SPAG5: variants seen among roughly 807,000 people sequenced by gnomAD.
SPAG5 encodes the protein sperm-associated antigen 5.
In SPAG5, 99 loss-of-function variants were observed where a neutral mutation model predicts 145.4. The observed-to-expected ratio is 0.68, with a 90% CI of 0.58 to 0.80. The LOEUF (loss-of-function observed/expected upper bound fraction) is 0.80. Ranked by LOEUF, SPAG5 falls within the 30% of genes least tolerant of loss-of-function variation. The probability of loss-of-function intolerance (pLI) is 0.00; values close to 1 mark genes in which losing one functional copy is unlikely to be tolerated. For synonymous variants in SPAG5, 477 were observed against 525.4 expected, an observed-to-expected ratio of 0.91 and a Z score of 1.26; for missense variants, 1,192 against 1,416.0, an observed-to-expected ratio of 0.84 and a Z score of 2.54.
rs2070632294 is a variant in SPAG5, at chr17:28,592,838, G to A, written c.406C>T (p.Pro136Ser). 6.2e-7 allele frequency: 1 copy of A among 1,614,204 alleles called. No homozygotes were observed. Among genetic ancestry groups the A allele is most frequent in the Non-Finnish European group, 8.5e-7 (1 of 1,180,038 alleles). ...MVKTIVLVPS[P>S]LGQQQDMIFE... ...ATCATGTCTTGTTGCTGCCCCAGTG[G>A]AGATGGTACAAGGACGATGGTTTTA... The change falls in exon 3 of 24, where the codon CCA (proline) becomes TCA (serine). Residue 136 changes from proline (P) to serine (S), a missense_variant. Physicochemically the swap from Pro to Ser is moderately conservative, Grantham distance 74. Transcript: ENST00000321765.
At position 28,584,005 on chromosome 17, in the gene SPAG5, G is replaced by A. The variant is rs763472401; in HGVS notation, c.2413-19C>T. The A allele has an allele frequency of 6.2e-7, 1 of 1,613,958 alleles. No individual in the cohort carries two copies. The highest frequency in any genetic ancestry group is 1.1e-5 in the South Asian group (1 of 91,078). ...CTGCAAACTGGGAAGACAAGAGAAG[G>A]AGCAAGACAGGGAGGGAGAATTTTA... is the stretch of plus-strand genomic sequence containing the variant. On this transcript the variant is annotated intron_variant, in intron 13 of 23. Coordinates refer to ENST00000321765, the MANE Select transcript of SPAG5 (RefSeq NM_006461.4).
chr17:28,580,136 A>G lies in SPAG5; in HGVS notation c.2686-16T>C, dbSNP rs1458705913. ...CTTGTTCAGTCTAAGGGCAAAGAAG[A>G]AAAAATAGCTGCTGTTCAGGTCTAG... is the stretch of plus-strand genomic sequence containing the variant. On this transcript the variant is annotated splice_polypyrimidine_tract_variant and intron_variant, in intron 15 of 23. Transcript: ENST00000321765. 6.3e-7 allele frequency: 1 copy of G among 1,580,610 alleles called. No individual in the cohort carries two copies. The highest frequency in any genetic ancestry group is 8.7e-7 in the Non-Finnish European group (1 of 1,154,610).
At position 28,584,235 on chromosome 17, in the gene SPAG5, A is replaced by G. The variant is rs758412682; in HGVS notation, c.2327T>C (p.Met776Thr). 2.5e-6 allele frequency: 4 copies of G among 1,613,790 alleles called. No individual in the cohort carries two copies. The highest frequency in any genetic ancestry group is 3.4e-6 in the Non-Finnish European group (4 of 1,180,042). Residue 776 changes from methionine (M) to threonine (T), a missense_variant, in exon 13 of 24, where the codon ATG becomes ACG. By Grantham distance (81) the Met-to-Thr change is moderately conservative (BLOSUM62 -1). Transcript: ENST00000321765. ...EQAAQWQKEE[M>T]ALKHMQAELQ... ...TTCTGCCTGCATGTGTTTTAGTGCC[A>G]TCTCTTCCTTTTGCCATCTGCCAGA... is the stretch of plus-strand genomic sequence containing the variant.
intron 1 of SPAG5, 39 bp downstream of exon 1, chr17:28,598,857 G>T: frequency 6.2e-7 from 1 of 1,608,864 alleles, no homozygotes; most frequent in African/African-American, 1.3e-5. Context: ...CGCGACAGCA[G>T]CCCGGCCCAG....
intron 5 of SPAG5, 54 bp from the exon 6 acceptor site, chr17:28,586,236 C>T: frequency 6.8e-7 from 1 of 1,474,108 alleles, no homozygotes; most frequent in Non-Finnish European, 9.5e-7. Flanking sequence ...AAGCAGGAAA[C>T]AGGGGCACTG....
At chr17:28,583,129 C>T (rs2070559234) in intron 15 of SPAG5, among the ~76,000 whole-genome samples, 1 of 152,198 alleles carries the variant, frequency 6.6e-6, no homozygotes, top group South Asian at 2.1e-4. Flanking sequence ...AGGTTCACAA[C>T]ACTACACCTG....
chr17:28,581,741 G>C (rs576849285), intron 15 of SPAG5, among the ~76,000 whole-genome samples: 1 of 152,110 alleles, frequency 6.6e-6, no homozygotes, highest in African/African-American at 2.4e-5. Flanking sequence ...GCTCCCCTCA[G>C]TCTCATCTCT....
At chr17:28,587,717 C>CAAAA (rs765826333) in intron 4 of SPAG5, among the ~76,000 whole-genome samples, 5 of 48,844 alleles carry the variant, frequency 1.0e-4, no homozygotes, top group South Asian at 7.0e-4. Context: ...GACCTCGTCT[C>CAAAA]AAAAAAAAAA....
chr17:28,585,589 T>A lies in SPAG5; in HGVS notation c.1805A>T (p.Asp602Val). ...ASQRISQLEQDLASMREFRGL... is the reference protein window; with the variant it reads ...ASQRISQLEQVLASMREFRGL... Reference sequence around the variant, plus strand: ...TCTGAATTCCCGCATGGATGCTAGGTCCTGTTCCAGCTGGCTGATGCGCTG... The same window carrying A: ...TCTGAATTCCCGCATGGATGCTAGGACCTGTTCCAGCTGGCTGATGCGCTG... Residue 602 changes from aspartate to valine, a missense_variant, in exon 8 of 24, where the codon GAC becomes GTC. By Grantham distance (152) the Asp-to-Val change is radical (BLOSUM62 -3). Around this residue, in one of 5 missense-constraint regions of SPAG5, gnomAD observed 709 missense variants for 840.7 expected, o/e 0.84. Coordinates refer to ENST00000321765, the MANE Select transcript of SPAG5 (RefSeq NM_006461.4). 1 of 1,614,140 alleles carries A rather than the reference T, an allele frequency of 6.2e-7. No homozygotes were observed. The highest frequency in any genetic ancestry group is 2.2e-5 in the East Asian group (1 of 44,874).
intron 10 of SPAG5, 35 bp from the exon 11 acceptor site, chr17:28,584,780 C>T: frequency 6.8e-7 from 1 of 1,469,274 alleles, no homozygotes; most frequent in Non-Finnish European, 9.5e-7. Flanking sequence ...CCTATAGTTC[C>T]TCCTGAATCA....
intron 15 of SPAG5, among the ~76,000 whole-genome samples, 198 bp downstream of exon 15, chr17:28,583,313 C>T (rs2070560406): frequency 6.6e-6 from 1 of 152,154 alleles, no homozygotes; most frequent in Non-Finnish European, 1.5e-5. Context: ...AGCATACAGG[C>T]AGTCTAGCTG....
chr17:28,598,554 C>T lies in SPAG5; in HGVS notation c.133G>A (p.Ala45Thr). Residue 45 changes from alanine to threonine, a missense_variant, in exon 2 of 24, where the codon GCT becomes ACT. Ala to Thr is a moderately conservative substitution (Grantham distance 58). This residue lies in a region of SPAG5 where 329 missense variants were observed against 354.0 expected (regional missense o/e 0.93). Transcript: ENST00000321765. ...ALTNSGKRSP[A>T]CSSLTPSLCK... The stretch of plus-strand genomic sequence containing the variant: ...AGTGATGGGGTCAGCGAGGAGCAAG[C>T]GGGGGATCTTTTTCCAGAGTTGGTG... 6.2e-7 allele frequency: 1 copy of T among 1,613,820 alleles called. No homozygotes were observed. The highest frequency in any genetic ancestry group is 8.5e-7 in the Non-Finnish European group (1 of 1,179,916).
At chr17:28,597,935 C>T (rs1404201612) in intron 2 of SPAG5, among the ~76,000 whole-genome samples, 1 of 152,166 alleles carries the variant, frequency 6.6e-6, no homozygotes, top group Non-Finnish European at 1.5e-5. Context: ...AGTCCTAAAG[C>T]CTTTCTTGGA....
rs768286180 is a variant in SPAG5, at chr17:28,580,047, G to T, written c.2759C>A (p.Thr920Asn). ...TGCTGTCAAGATGCTTCCCAGGAAGGTCCTGTCATTAGGCAGAGGGTGTTC... is the reference window on the plus strand; with the variant it reads ...TGCTGTCAAGATGCTTCCCAGGAAGTTCCTGTCATTAGGCAGAGGGTGTTC... ...TQEHPLPNDR[T>N]FLGSILTAVA... The change falls in exon 16 of 24, where the codon ACC becomes AAC. Residue 920 changes from threonine to asparagine, a missense_variant. Thr to Asn is a moderately conservative substitution (Grantham distance 65). Coordinates refer to ENST00000321765, the MANE Select transcript of SPAG5 (RefSeq NM_006461.4). 1.1e-5 allele frequency: 18 copies of T among 1,613,902 alleles called. No individual in the cohort carries two copies. Among genetic ancestry groups the T allele is most frequent in the East Asian group, 1.1e-4 (5 of 44,902 alleles).
intron 15 of SPAG5, among the ~76,000 whole-genome samples, 174 bp downstream of exon 15, chr17:28,583,337 A>G (rs1431503737): frequency 6.6e-6 from 1 of 152,236 alleles, no homozygotes; most frequent in Non-Finnish European, 1.5e-5. Context: ...CAAAGTGTTC[A>G]TAATAGGGAG....
At position 28,577,764 on chromosome 17, in the gene SPAG5, G is replaced by A. The variant is rs776345302; in HGVS notation, c.3517C>T (p.Leu1173Phe). 1 of 1,613,302 alleles carries A rather than the reference G, an allele frequency of 6.2e-7. No individual in the cohort carries two copies. Among genetic ancestry groups the A allele is most frequent in the African/African-American group, 1.3e-5 (1 of 74,888 alleles). ...CCCCTCACCACCTCTGGAATAGAGA[G>A]CAGGGTCTGGGAAGAGAGGCAGAAA... is the stretch of plus-strand genomic sequence containing the variant. ...DIVQHIYKTL[L>F]SIPEVVRGCK... The change falls in exon 24 of 24, where the codon CTC becomes TTC. Residue 1173 changes from leucine to phenylalanine, a missense_variant. Leu to Phe is a conservative substitution (Grantham distance 22). This residue lies in a region of SPAG5 where 709 missense variants were observed against 840.7 expected (regional missense o/e 0.84). Coordinates refer to ENST00000321765, the MANE Select transcript of SPAG5 (RefSeq NM_006461.4).
At chr17:28,583,782 T>G (rs2070564523) in intron 14 of SPAG5, 71 bp downstream of exon 14, 2 of 1,560,502 alleles carry the variant, frequency 1.3e-6, no homozygotes, top group Admixed American at 3.8e-5. Context: ...CTTGGAGATT[T>G]TGGCTTCTAG....
intron 4 of SPAG5, among the ~76,000 whole-genome samples, chr17:28,586,733 T>C (rs1157080213): frequency 1.3e-5 from 2 of 152,064 alleles, no homozygotes; most frequent in East Asian, 1.9e-4. Flanking sequence ...GGTTTCACCA[T>C]GTTGGCCAGG....
chr17:28,596,777 A>G (rs2070668008), intron 2 of SPAG5, among the ~76,000 whole-genome samples: 1 of 152,184 alleles, frequency 6.6e-6, no homozygotes, highest in Non-Finnish European at 1.5e-5. Context: ...GTCTAATATG[A>G]TAGCCACTAG....
Sources: gnomAD v4.1 joint callset for allele counts (sites outside exome capture counted in the v4.1 genomes callset) on GRCh38, gnomAD v4.1.1 for gene constraint, gnomAD v4.1.1 regional missense constraint, MANE v1.5 for transcripts, NCBI Gene and HGNC (gene_info 2026-07-23, HGNC 2026-07-21) for gene names.